Variants in IQSEC1 observed in about 807,000 individuals in gnomAD.
IQSEC1 encodes the protein IQ motif and Sec7 domain ArfGEF 1.
In IQSEC1, 31 loss-of-function variants were observed where a neutral mutation model predicts 91.0. That is an observed-to-expected ratio of 0.34 (90% CI 0.26 to 0.46). IQSEC1 has a LOEUF of 0.46. IQSEC1 is among the 20% of genes least tolerant of loss of function. IQSEC1 has a pLI of 1.00. For synonymous variants in IQSEC1, 699 were observed against 662.6 expected, an observed-to-expected ratio of 1.05 and a Z score of -0.84; for missense variants, 1,388 against 1,575.6, an observed-to-expected ratio of 0.88 and a Z score of 2.02.
In IQSEC1 at chr3:13,012,439, C is replaced by T. The variant is rs548984343; in HGVS notation, c.23+60553G>A. Reference sequence around the variant, plus strand: ...CTCCCACAGGCCTCAGAGCTCACCCCCTTCTCAGCCCTGAGTGCCATGTGT... The same window carrying T: ...CTCCCACAGGCCTCAGAGCTCACCCTCTTCTCAGCCCTGAGTGCCATGTGT... On this transcript the variant is annotated intron_variant, in intron 1 of 13. Transcript: ENST00000613206. Among the ~76,000 whole-genome samples, 8 of 152,290 alleles carry T rather than the reference C, an allele frequency of 5.3e-5. No homozygotes were observed. The South Asian group carries it at 1.7e-3, about 32-fold the overall frequency.
intron 1 of IQSEC1, among the ~76,000 whole-genome samples, chr3:12,975,365 C>T (rs72624445): frequency 0.2 from 30,875 of 152,240 alleles, 4,614 homozygotes; most frequent in East Asian, 0.75. Context: ...TCCTAAGCCT[C>T]CTTTCCCAAC....
chr3:13,146,618 T>C (rs962498948), intron 2 of IQSEC1, among the ~76,000 whole-genome samples: 2 of 152,192 alleles, frequency 1.3e-5, no homozygotes, highest in African/African-American at 4.8e-5. Flanking sequence ...GGCAGGCGGA[T>C]CATTTAAGGC....
chr3:13,064,889 C>A (rs1559245077), intron 1 of IQSEC1, among the ~76,000 whole-genome samples: 1 of 152,188 alleles, frequency 6.6e-6, no homozygotes, highest in Non-Finnish European at 1.5e-5. Context: ...GAATCTGGGG[C>A]CCACTGTCAA....
intron 1 of IQSEC1, among the ~76,000 whole-genome samples, chr3:12,980,728 C>T (rs552092235): frequency 6.6e-6 from 1 of 152,320 alleles, no homozygotes; most frequent in South Asian, 2.1e-4. Flanking sequence ...CTTTCCTCTT[C>T]CTAAGAGCCC....
intron 1 of IQSEC1, among the ~76,000 whole-genome samples, chr3:13,213,910 C>T (rs1694491783): frequency 6.6e-6 from 1 of 152,198 alleles, no homozygotes; most frequent in African/African-American, 2.4e-5. Flanking sequence ...CTCGTATCCA[C>T]AGCCAGTTAG....
intron 1 of IQSEC1, among the ~76,000 whole-genome samples, chr3:13,192,405 A>T (rs1009173547): frequency 6.6e-6 from 1 of 152,032 alleles, no homozygotes; most frequent in African/African-American, 2.4e-5. Context: ...AAGATGTGGC[A>T]CACTGGAGTA....
At chr3:12,933,349 T>C (rs1321147412) in intron 3 of IQSEC1, among the ~76,000 whole-genome samples, 1 of 152,172 alleles carries the variant, frequency 6.6e-6, no homozygotes, top group Non-Finnish European at 1.5e-5. Context: ...CCAAATAACC[T>C]ATAGCCACGG....
Position 13,000,653 on chromosome 3 carries a change from G to A in IQSEC1, c.24-58788C>T, listed in dbSNP as rs555281617. Reference sequence around the variant, plus strand: ...CTGTAAGCAGACAGGTGAGGTATATGCAGCAGAGGGAAGGCTGAAGCCAGG... The same window carrying A: ...CTGTAAGCAGACAGGTGAGGTATATACAGCAGAGGGAAGGCTGAAGCCAGG... On this transcript the variant is annotated intron_variant, in intron 1 of 13. Coordinates refer to ENST00000613206, the MANE Select transcript of IQSEC1 (RefSeq NM_001134382.3). Among the ~76,000 whole-genome samples the A allele has an allele frequency of 1.5e-4, 23 of 152,348 alleles. No individual in the cohort carries two copies. The East Asian group carries it at 4.4e-3, about 29-fold the overall frequency.
At chr3:13,173,368 T>C (rs1693654755) in intron 1 of IQSEC1, among the ~76,000 whole-genome samples, 1 of 152,112 alleles carries the variant, frequency 6.6e-6, no homozygotes, top group Non-Finnish European at 1.5e-5. Flanking sequence ...GACAGAGAAC[T>C]AAATAGGACC....
At chr3:13,057,452 G>A (rs555149632) in intron 1 of IQSEC1, among the ~76,000 whole-genome samples, 2 of 152,278 alleles carry the variant, frequency 1.3e-5, no homozygotes, top group Admixed American at 6.5e-5. Flanking sequence ...GCCCTCACAC[G>A]GCCAGACAAG....
At chr3:13,131,479 T>G (rs980751283) in intron 2 of IQSEC1, among the ~76,000 whole-genome samples, 4 of 19,020 alleles carry the variant, frequency 2.1e-4, no homozygotes, top group Admixed American at 7.6e-4. Flanking sequence ...AATCTATGTC[T>G]TTTTTTTTTT....
chr3:13,064,521 G>T (rs1432579289), intron 1 of IQSEC1, among the ~76,000 whole-genome samples: 1 of 152,216 alleles, frequency 6.6e-6, no homozygotes, highest in Non-Finnish European at 1.5e-5. Flanking sequence ...TCGTGTGACA[G>T]CGACCACAAA....
intron 2 of IQSEC1, among the ~76,000 whole-genome samples, chr3:13,097,707 T>C (rs1389086714): frequency 6.6e-6 from 1 of 152,250 alleles, no homozygotes; most frequent in Non-Finnish European, 1.5e-5. Flanking sequence ...AAATTGGTGA[T>C]TGATGAGTAA....
At chr3:13,270,392 T>C (rs1458169314) in intron 1 of IQSEC1, among the ~76,000 whole-genome samples, 2 of 152,142 alleles carry the variant, frequency 1.3e-5, no homozygotes, top group East Asian at 1.9e-4. Context: ...CTTAAAGAAA[T>C]AGCAGAGACA....
intron 1 of IQSEC1, among the ~76,000 whole-genome samples, chr3:13,046,681 C>T (rs938844320): frequency 6.6e-6 from 1 of 152,162 alleles, no homozygotes; most frequent in Non-Finnish European, 1.5e-5. Flanking sequence ...CGGCCACATC[C>T]ACCCTCCACA....
intron 13 of IQSEC1, 96 bp from the exon 14 acceptor site, chr3:12,901,618 A>T: frequency 9.5e-7 from 1 of 1,051,658 alleles, no homozygotes; most frequent in Non-Finnish European, 1.4e-6. Context: ...TCACCCACTG[A>T]CTGCTAAGCT....
At chr3:13,205,431 C>T (rs1694326170) in intron 1 of IQSEC1, among the ~76,000 whole-genome samples, 1 of 152,048 alleles carries the variant, frequency 6.6e-6, no homozygotes, top group Admixed American at 6.6e-5. Context: ...CTGTTAGTCC[C>T]ATCTGAGATG....
intron 1 of IQSEC1, among the ~76,000 whole-genome samples, chr3:13,254,588 GC>G: frequency 6.6e-6 from 1 of 152,374 alleles, no homozygotes; most frequent in East Asian, 1.9e-4. Context: ...ACCAGCTCAA[GC>G]CCCCTTCGGT....
intron 2 of IQSEC1, among the ~76,000 whole-genome samples, chr3:13,138,248 C>T (rs576305318): frequency 2.0e-5 from 3 of 152,190 alleles, no homozygotes; most frequent in South Asian, 2.1e-4. Context: ...AGGCTCCCAG[C>T]GATCGACGAG....
Sources: allele counts gnomAD v4.1 joint callset (sites outside exome capture counted in the v4.1 genomes callset), GRCh38; gene constraint gnomAD v4.1.1; transcripts MANE v1.5; gene names NCBI Gene and HGNC (gene_info 2026-07-23, HGNC 2026-07-21).